Variants in SPIDR observed in about 807,000 individuals in gnomAD.
SPIDR encodes the protein scaffold protein involved in DNA repair, also known as DNA repair-scaffolding protein.
SPIDR carries 93 observed loss-of-function variants against 104.6 expected under a neutral mutation model. The observed-to-expected ratio is 0.89, with a 90% CI of 0.75 to 1.06. The LOEUF (loss-of-function observed/expected upper bound fraction) is 1.06. Among genes scored for constraint, SPIDR ranks in the 50% least tolerant of loss-of-function variants. The probability of loss-of-function intolerance (pLI) is 0.00; values close to 1 mark genes in which losing one functional copy is unlikely to be tolerated. For missense variants in SPIDR, 1,154 were observed against 1,111.2 expected (o/e 1.04, Z -0.55); for synonymous variants, 431 against 416.9 (o/e 1.03, Z -0.41).
At chr8:47,556,767 T>C (rs1196789072) in intron 8 of SPIDR, among the ~76,000 whole-genome samples, 1 of 152,114 alleles carries the variant, frequency 6.6e-6, no homozygotes, top group African/African-American at 2.4e-5. Flanking sequence ...CATTCCCAGA[T>C]AATTTTTTAA....
chr8:47,427,260 C>T (rs1475305873), intron 7 of SPIDR, among the ~76,000 whole-genome samples: 2 of 148,288 alleles, frequency 1.3e-5, no homozygotes, highest in African/African-American at 2.5e-5. Flanking sequence ...AATAAATTGT[C>T]AGAAGCAGTT....
chr8:47,489,613 T>C (rs1238253577), intron 8 of SPIDR, among the ~76,000 whole-genome samples: 3 of 152,192 alleles, frequency 2.0e-5, no homozygotes, highest in African/African-American at 4.8e-5. Flanking sequence ...ACTACAAGGC[T>C]ACAGTAACCA....
intron 8 of SPIDR, among the ~76,000 whole-genome samples, chr8:47,487,166 C>T (rs1404024397): frequency 8.5e-6 from 1 of 117,600 alleles, no homozygotes; most frequent in African/African-American, 3.4e-5. Flanking sequence ...ATCTACCAAG[C>T]AAATGGAAAA....
intron 17 of SPIDR, among the ~76,000 whole-genome samples, chr8:47,728,307 C>T (rs866921943): frequency 1.8e-4 from 27 of 151,892 alleles, no homozygotes; most frequent in Middle Eastern, 6.8e-3. Context: ...TGGTGGCACA[C>T]ACCTGTAGTC....
intron 8 of SPIDR, among the ~76,000 whole-genome samples, chr8:47,490,968 C>T (rs1554738936): frequency 6.6e-6 from 1 of 152,086 alleles, no homozygotes; most frequent in Non-Finnish European, 1.5e-5. Flanking sequence ...ACGTTGTGTA[C>T]GTGTACCCTA....
intron 5 of SPIDR, among the ~76,000 whole-genome samples, chr8:47,352,712 G>A (rs16925237): frequency 1.5e-4 from 23 of 152,142 alleles, no homozygotes; most frequent in African/African-American, 3.4e-4. Context: ...TCTGGGAGAC[G>A]CAAAATTTAA....
At chr8:47,598,306 T>C (rs2061854152) in intron 9 of SPIDR, among the ~76,000 whole-genome samples, 1 of 152,222 alleles carries the variant, frequency 6.6e-6, no homozygotes, top group African/African-American at 2.4e-5. Context: ...ATCTGTGGTC[T>C]CTATGTCTCA....
At chr8:47,378,832 G>T (rs1281313305) in intron 5 of SPIDR, among the ~76,000 whole-genome samples, 4 of 152,228 alleles carry the variant, frequency 2.6e-5, no homozygotes, top group African/African-American at 9.6e-5. Flanking sequence ...CTTGAAGGGG[G>T]CCCTGGGACT....
At chr8:47,479,603 A>G (rs568292792) in intron 8 of SPIDR, among the ~76,000 whole-genome samples, 3 of 152,124 alleles carry the variant, frequency 2.0e-5, no homozygotes, top group African/African-American at 7.2e-5. Flanking sequence ...GCTGCACCTG[A>G]TCCTGTGGCT....
intron 8 of SPIDR, among the ~76,000 whole-genome samples, chr8:47,452,504 C>T (rs1264234584): frequency 1.3e-5 from 2 of 152,142 alleles, no homozygotes; most frequent in Non-Finnish European, 2.9e-5. Context: ...CATCAAAAAG[C>T]TTATCCACCA....
chr8:47,370,035 C>T (rs2057780098), intron 5 of SPIDR, among the ~76,000 whole-genome samples: 1 of 149,288 alleles, frequency 6.7e-6, no homozygotes, highest in Admixed American at 6.7e-5. Context: ...CACTGTAAGT[C>T]TCTTCTGTTA....
chr8:47,470,980 C>T (rs1021644590), intron 8 of SPIDR, among the ~76,000 whole-genome samples: 12 of 152,132 alleles, frequency 7.9e-5, no homozygotes, highest in Non-Finnish European at 1.3e-4. Flanking sequence ...GTGATCCGCC[C>T]GCCTTGGCCT....
intron 8 of SPIDR, among the ~76,000 whole-genome samples, chr8:47,475,759 A>G (rs1263328906): frequency 2.0e-5 from 3 of 152,244 alleles, no homozygotes; most frequent in East Asian, 3.8e-4. Context: ...ATCCAAAAAG[A>G]TAAGAAGTAA....
chr8:47,568,492 T>C lies in SPIDR; in HGVS notation c.1098-27319T>C, dbSNP rs368654925. On this transcript the variant is annotated intron_variant, in intron 8 of 19. Coordinates refer to ENST00000297423, the MANE Select transcript of SPIDR (RefSeq NM_001080394.4). ...GACAACTATTTTGGAACTCTGAGTA[T>C]AGAAGAACACTTGTAGCATCCAGGG... Among the ~76,000 whole-genome samples the C allele has an allele frequency of 4.0e-3, 605 of 152,340 alleles. 4 individuals carry two copies. The highest frequency in any genetic ancestry group is 0.023 in the South Asian group (109 of 4,834).
rs573934440 is a variant in SPIDR at position 47,675,267 on chromosome 8, C to T, written c.1685+1326C>T. Reference sequence around the variant, plus strand: ...GTCAGGCTGGTCTCAAACTCCTGACCTCAGGTGATCCACCCACCTCAGCCT... The same window carrying T: ...GTCAGGCTGGTCTCAAACTCCTGACTTCAGGTGATCCACCCACCTCAGCCT... On this transcript the variant is annotated intron_variant, in intron 11 of 19. Coordinates refer to ENST00000297423, the MANE Select transcript of SPIDR (RefSeq NM_001080394.4). Among the ~76,000 whole-genome samples the T allele has an allele frequency of 3.3e-5, 5 of 152,290 alleles. No individual in the cohort carries two copies. In the South Asian group the frequency reaches 1.0e-3, roughly 32 times the overall value.
intron 1 of SPIDR, among the ~76,000 whole-genome samples, chr8:47,263,880 G>A (rs868980400): frequency 4.6e-5 from 7 of 152,082 alleles, no homozygotes; most frequent in African/African-American, 1.4e-4. Flanking sequence ...CTTACATTAG[G>A]TTTATTTGTG....
chr8:47,408,942 C>G (rs551981064), intron 7 of SPIDR, among the ~76,000 whole-genome samples: 1 of 152,300 alleles, frequency 6.6e-6, no homozygotes, highest in African/African-American at 2.4e-5. Context: ...AATCCCAGCA[C>G]TTTAGGAGGC....
intron 8 of SPIDR, among the ~76,000 whole-genome samples, chr8:47,538,754 G>T (rs2087451432): frequency 6.6e-6 from 1 of 151,212 alleles, no homozygotes; most frequent in Admixed American, 6.6e-5. Flanking sequence ...TATATAAATT[G>T]AATCATATTT....
chr8:47,654,097 G>A, intron 10 of SPIDR: 1 of 1,289,800 alleles, frequency 7.8e-7, no homozygotes, highest in South Asian at 1.2e-5. Context: ...CACCATGTGT[G>A]TACCAAGAGG....
Sources: allele counts gnomAD v4.1 joint callset (sites outside exome capture counted in the v4.1 genomes callset), GRCh38; gene constraint gnomAD v4.1.1; transcripts MANE v1.5; gene names NCBI Gene and HGNC (gene_info 2026-07-23, HGNC 2026-07-21).